Variants in NBPF20 observed in about 807,000 individuals in gnomAD.
The protein encoded by NBPF20 is NBPF family member NBPF20.
A neutral mutation model predicts 68.1 loss-of-function variants in NBPF20; 90 were observed. The ratio of observed to expected loss-of-function variants is 1.32; its 90% CI spans 1.11 to 1.58. The LOEUF (loss-of-function observed/expected upper bound fraction) is 1.58, where lower values mean the gene tolerates loss of function less well. NBPF20 is among the 40% of genes most tolerant of loss of function. NBPF20 has a pLI of 0.00. For missense variants in NBPF20, 816 were observed against 601.2 expected, an observed-to-expected ratio of 1.36 and a Z score of -3.74; for synonymous variants, 290 against 228.1, an observed-to-expected ratio of 1.27 and a Z score of -2.45.
chr1:145,396,744 T>C (rs878890016), intron 7 of NBPF20, among the ~76,000 whole-genome samples: 31 of 113,696 alleles, frequency 2.7e-4, no homozygotes, highest in Admixed American at 1.2e-3. Flanking sequence ...TTATTATTTT[T>C]TGTGTGTATG....
At chr1:145,412,396 T>C in the NBPF20 span, among the ~76,000 whole-genome samples, 1 of 152,186 alleles carries the variant, frequency 6.6e-6, no homozygotes, top group East Asian at 1.9e-4. Flanking sequence ...TCTATGACCA[T>C]CTGTTTCATG....
At chr1:145,394,624 T>C (rs1662124941) in intron 8 of NBPF20, among the ~76,000 whole-genome samples, 1 of 152,024 alleles carries the variant, frequency 6.6e-6, no homozygotes, top group East Asian at 1.9e-4. Flanking sequence ...TAAGGAATTT[T>C]GTAGCTGGCA....
At chr1:145,291,491 G>C (rs370636208) in exon 138 of NBPF20, 2 of 1,611,866 alleles carry the variant, frequency 1.2e-6, no homozygotes, top group Non-Finnish European at 1.7e-6. Context: ...GGTCCTGCCT[G>C]CAGGAATGAC....
rs1661641000 is a variant in NBPF20 at position 145,346,393 on chromosome 1, TC to T, written c.8291del (p.Gly2764GlufsTer56). On this transcript the variant is annotated frameshift_variant, in exon 69 of 138. Transcript: ENST00000369373. LOFTEE classifies it high-confidence loss of function. ...TTCTTCTTTCCTTCTTTGATCTTCTTCCCCTTCTTTTCTTCCCCTTCCCCTT... is the reference window on the plus strand; with the variant it reads ...TTCTTCTTTCCTTCTTTGATCTTCTTCCCTTCTTTTCTTCCCCTTCCCCTT... 1 of 13,848 alleles carries T rather than the reference TC, an allele frequency of 7.2e-5. No homozygotes were observed. 0.9% of individuals were successfully genotyped at this position (13,848 alleles called of 1,614,324 possible). A position where few individuals can be genotyped will look rare whatever the true frequency, so the allele number is the denominator to read the frequency against.
chr1:145,311,867 G>A (rs1312902613), intron 112 of NBPF20, among the ~76,000 whole-genome samples: 2 of 112,204 alleles, frequency 1.8e-5, no homozygotes, highest in Admixed American at 1.7e-4. Context: ...GAGGATTTTA[G>A]ATGCTGAAAT....
At chr1:145,400,964 G>A in intron 5 of NBPF20, 95 bp downstream of exon 10, 6 of 1,499,876 alleles carry the variant, frequency 4.0e-6, no homozygotes, top group Non-Finnish European at 5.6e-6. Flanking sequence ...GCAAATGTGG[G>A]TTTTTGGCCG....
chr1:145,408,731 GA>G (rs782687393), upstream of NBPF20, among the ~76,000 whole-genome samples: 2 of 151,934 alleles, frequency 1.3e-5, no homozygotes, highest in Non-Finnish European at 2.9e-5. Context: ...CAATAAACAT[GA>G]TATATATTTA....
chr1:145,402,562 G>C (rs1236743817), intron 3 of NBPF20, among the ~76,000 whole-genome samples, 181 bp from the exon 9 acceptor site: 2 of 151,962 alleles, frequency 1.3e-5, no homozygotes, highest in African/African-American at 4.8e-5. Flanking sequence ...GGCTTCCTCT[G>C]TATCAGAGAG....
intron 136 of NBPF20, among the ~76,000 whole-genome samples, chr1:145,292,737 G>C (rs1447272513): frequency 8.9e-4 from 120 of 134,712 alleles, no homozygotes; most frequent in Non-Finnish European, 1.5e-3. Flanking sequence ...TCCCAAGTTT[G>C]TGCAAACAGT....
chr1:145,342,714 G>A (rs1468732342), intron 73 of NBPF20, among the ~76,000 whole-genome samples, 155 bp from the exon 79 acceptor site: 3 of 90,494 alleles, frequency 3.3e-5, no homozygotes, highest in Admixed American at 1.2e-4. Context: ...TGTTGGGACA[G>A]AACAGGGCCA....
intron 61 of NBPF20, among the ~76,000 whole-genome samples, chr1:145,352,372 C>G (rs1661663135): frequency 1.6e-5 from 1 of 62,218 alleles, no homozygotes; most frequent in African/African-American, 6.4e-5. Context: ...AGTGAATTGT[C>G]CAGGTGACAC....
chr1:145,410,698 A>G, the NBPF20 span, among the ~76,000 whole-genome samples: 29 of 112,990 alleles, frequency 2.6e-4, no homozygotes, highest in Non-Finnish European at 5.1e-4. Context: ...CAATATATAT[A>G]TATGTGTGTG....
At chr1:145,419,780 T>C in the NBPF20 span, among the ~76,000 whole-genome samples, 1 of 152,202 alleles carries the variant, frequency 6.6e-6, no homozygotes, top group African/African-American at 2.4e-5. Context: ...TTACTCATTA[T>C]GGGGTCTCTA....
At chr1:145,291,410 C>G (rs1362272911) in exon 138 of NBPF20, 12 of 1,601,834 alleles carry the variant, frequency 7.5e-6, no homozygotes, top group Non-Finnish European at 8.5e-6. Flanking sequence ...TACAGCCATG[C>G]CCACTGACCC....
intron 2 of NBPF20, among the ~76,000 whole-genome samples, chr1:145,404,282 C>T (rs112335820): frequency 8.7e-4 from 132 of 151,298 alleles, no homozygotes; most frequent in African/African-American, 2.3e-3. Context: ...TGTTTTTTGA[C>T]GAGTCTTGCC....
intron 4 of NBPF20, among the ~76,000 whole-genome samples, chr1:145,401,719 A>C (rs1662533146): frequency 6.9e-6 from 1 of 144,448 alleles, no homozygotes; most frequent in Admixed American, 7.1e-5. Context: ...AAGTGTTCCC[A>C]CATTTGAATG....
Position 145,400,994 on chromosome 1 carries a change from G to C in NBPF20, c.566+65C>G, listed in dbSNP as rs1410770908. On this transcript the variant is annotated intron_variant, in intron 5 of 137. Coordinates refer to ENST00000369373, the Ensembl canonical transcript of NBPF20. The stretch of plus-strand genomic sequence containing the variant: ...TGGCCGATCATAGATGCCAGAGAGG[G>C]TGTGCCTCCTAGATATTCCTCATAT... 8.5e-5 allele frequency: 130 copies of C among 1,528,254 alleles called. 2 individuals are homozygous for C. Among genetic ancestry groups the C allele is most frequent in the Non-Finnish European group, 1.1e-4 (120 of 1,106,328 alleles). 94.7% of individuals were successfully genotyped at this position (1,528,254 alleles called of 1,614,324 possible).
chr1:145,312,180 C>T, intron 112 of NBPF20, 28 bp downstream of exon 117: 1 of 143,696 alleles, frequency 7.0e-6, no homozygotes, highest in Non-Finnish European at 1.1e-5. Flanking sequence ...TCAGTGGATC[C>T]TTATCACCTT....
rs1474186076 is a variant in NBPF20 at position 145,400,688 on chromosome 1, G to C, written c.567-94C>G. 3.3e-6 allele frequency: 5 copies of C among 1,515,814 alleles called. No individual in the cohort carries two copies. In the Admixed American group the frequency reaches 5.1e-5, roughly 15 times the overall value. 93.9% of individuals were successfully genotyped at this position (1,515,814 alleles called of 1,614,324 possible). On this transcript the variant is annotated intron_variant, in intron 5 of 137. Transcript: ENST00000369373. ...AGCTGGTTTTGACAGGCGGCATTAA[G>C]AGAGTGGTCCCAGAAAGCAAAATGG...
Sources: allele counts gnomAD v4.1 joint callset (sites outside exome capture counted in the v4.1 genomes callset), GRCh38; gene constraint gnomAD v4.1.1; transcripts MANE v1.5; gene names NCBI Gene and HGNC (gene_info 2026-07-23, HGNC 2026-07-21).